Variants in TNRC6B observed in about 807,000 individuals in gnomAD.
The protein encoded by TNRC6B is trinucleotide repeat-containing gene 6B protein.
Under a neutral mutation model 203.6 loss-of-function variants are expected in TNRC6B, and 52 were observed. The ratio of observed to expected loss-of-function variants is 0.26; its 90% CI spans 0.20 to 0.32. TNRC6B has a LOEUF of 0.32. Ranked by LOEUF, TNRC6B falls within the 10% of genes least tolerant of loss-of-function variation. The pLI, the probability that TNRC6B is intolerant of heterozygous loss-of-function variation, is 1.00. For synonymous variants in TNRC6B, 838 were observed against 845.7 expected (o/e 0.99, Z 0.16); for missense variants, 1,923 against 2,286.2 (o/e 0.84, Z 3.24).
chr22:40,171,501 T>G (rs1228925644), intron 4 of TNRC6B, among the ~76,000 whole-genome samples: 1 of 152,136 alleles, frequency 6.6e-6, no homozygotes, highest in Admixed American at 6.5e-5. Flanking sequence ...TGCTGAGTGG[T>G]TATAAAGGAC....
chr22:40,152,572 C>A (rs2068768477), intron 3 of TNRC6B, among the ~76,000 whole-genome samples: 1 of 152,096 alleles, frequency 6.6e-6, no homozygotes, highest in Non-Finnish European at 1.5e-5. Flanking sequence ...TTGTGATCCG[C>A]CCGCCTTGGC....
intron 3 of TNRC6B, among the ~76,000 whole-genome samples, chr22:40,254,683 C>T (rs959018862): frequency 1.3e-5 from 2 of 152,124 alleles, no homozygotes; most frequent in Admixed American, 6.5e-5. Context: ...GTCAGGAGAT[C>T]GAGACCTTCC....
chr22:40,079,570 A>AGT (rs938524666), intron 1 of TNRC6B, among the ~76,000 whole-genome samples: 5 of 148,260 alleles, frequency 3.4e-5, no homozygotes, highest in East Asian at 1.9e-4. Flanking sequence ...CCCAAATCTA[A>AGT]GTATATATAT....
Position 40,266,384 on chromosome 22 carries a change from A to C in TNRC6B, c.2154A>C (p.Thr718=). The C allele has an allele frequency of 6.2e-7, 1 of 1,613,600 alleles. No homozygotes were observed. Among genetic ancestry groups the C allele is most frequent in the Non-Finnish European group, 8.5e-7 (1 of 1,179,752 alleles). The change falls in exon 5 of 23, where the codon ACA becomes ACC. Residue 718 remains threonine, a synonymous_variant. Transcript: ENST00000454349. Reference sequence around the variant, plus strand: ...GAGGAGGACGACCTGATGAAAAGACACCTTCCTCTTGGAATGAGAATCCCA... The same window carrying C: ...GAGGAGGACGACCTGATGAAAAGACCCCTTCCTCTTGGAATGAGAATCCCA... ...NWGGGRPDEK[T]PSSWNENPSK...
intron 1 of TNRC6B, among the ~76,000 whole-genome samples, chr22:40,077,240 A>T (rs75473529): frequency 1.3e-5 from 2 of 152,014 alleles, no homozygotes; most frequent in African/African-American, 4.8e-5. Context: ...TGCATAGGTT[A>T]TCTCTCCCAT....
At chr22:40,147,436 ACTT>A (rs2068705486) in intron 3 of TNRC6B, among the ~76,000 whole-genome samples, 1 of 152,220 alleles carries the variant, frequency 6.6e-6, no homozygotes, top group Non-Finnish European at 1.5e-5. Flanking sequence ...CAGACTAGGT[ACTT>A]TATAAAGAAC....
chr22:40,189,292 G>C (rs1451175802), intron 1 of TNRC6B, among the ~76,000 whole-genome samples: 3 of 152,024 alleles, frequency 2.0e-5, no homozygotes, highest in African/African-American at 7.2e-5. Flanking sequence ...AACTGAAGTG[G>C]GAAACACCTT....
At chr22:40,255,448 T>C (rs766237578) in intron 3 of TNRC6B, among the ~76,000 whole-genome samples, 5 of 152,168 alleles carry the variant, frequency 3.3e-5, no homozygotes, top group Admixed American at 6.5e-5. Context: ...TTTATTAATA[T>C]TGGAGGGGTC....
chr22:40,206,068 T>A (rs4821933), intron 1 of TNRC6B, among the ~76,000 whole-genome samples: 103,353 of 152,102 alleles, frequency 0.68, 36,896 homozygotes, highest in African/African-American at 0.91. Flanking sequence ...CATAGAATTT[T>A]CCTCAGGAAA....
In TNRC6B at chr22:40,335,005, T is replaced by G. The variant is rs1402269328; in HGVS notation, c.*11764T>G. Reference sequence around the variant, plus strand: ...ATCAGCTGCACATATTGATGCTCTCTGCAAGTTACCTTTAAGTGTTTTTTT... The same window carrying G: ...ATCAGCTGCACATATTGATGCTCTCGGCAAGTTACCTTTAAGTGTTTTTTT... On this transcript the variant is annotated 3_prime_UTR_variant, in exon 23 of 23. Coordinates refer to ENST00000454349, the MANE Select transcript of TNRC6B (RefSeq NM_001162501.2). 2 of 152,262 alleles carry G rather than the reference T, an allele frequency of 1.3e-5. No homozygotes were observed. The highest frequency in any genetic ancestry group is 4.8e-5 in the African/African-American group (2 of 41,386). The allele number at this position is 152,262 out of a possible 1,614,324, so 9.4% of individuals were successfully genotyped here.
chr22:40,311,644 C>G (rs1028499725), intron 17 of TNRC6B, among the ~76,000 whole-genome samples: 1 of 151,784 alleles, frequency 6.6e-6, no homozygotes. Context: ...CAGGTTCAAG[C>G]GATTCTCCTG....
chr22:40,237,089 T>C (rs555203694), intron 1 of TNRC6B, among the ~76,000 whole-genome samples: 2 of 152,212 alleles, frequency 1.3e-5, no homozygotes, highest in East Asian at 3.9e-4. Flanking sequence ...CACTTGAACC[T>C]GGGAGGCGGA....
intron 1 of TNRC6B, among the ~76,000 whole-genome samples, chr22:40,218,947 A>G (rs956840143): frequency 3.9e-5 from 6 of 152,212 alleles, no homozygotes; most frequent in Admixed American, 3.3e-4. Context: ...TTTTGAGGAA[A>G]AGCAGGCATA....
chr22:40,322,704 G>A lies in TNRC6B; in HGVS notation c.5115-150G>A. The A allele has an allele frequency of 3.4e-6, 3 of 883,050 alleles. 1 individual carries two copies. In the South Asian group the frequency reaches 5.2e-5, roughly 15 times the overall value. The allele number at this position is 883,050 out of a possible 1,614,324, so 54.7% of individuals were successfully genotyped here. ...TCTGGACCCAGAGGTCTTGGGTGGA[G>A]CTTGGACTTTGCATTCTAAAAAGCG... On this transcript the variant is annotated intron_variant, in intron 22 of 22. Transcript: ENST00000454349.
intron 1 of TNRC6B, among the ~76,000 whole-genome samples, chr22:40,093,880 A>G (rs1211101521): frequency 6.6e-6 from 1 of 152,156 alleles, no homozygotes; most frequent in Non-Finnish European, 1.5e-5. Flanking sequence ...AATATGATCT[A>G]GTATTTGGTA....
chr22:40,074,567 A>G (rs2067988426), intron 1 of TNRC6B, among the ~76,000 whole-genome samples: 1 of 152,156 alleles, frequency 6.6e-6, no homozygotes, highest in African/African-American at 2.4e-5. Flanking sequence ...TCATGAGGTC[A>G]GGAGATCGAG....
intron 1 of TNRC6B, among the ~76,000 whole-genome samples, chr22:40,211,535 T>C (rs573628542): frequency 2.0e-4 from 30 of 152,350 alleles, no homozygotes; most frequent in African/African-American, 6.3e-4. Flanking sequence ...ACAAACTTAC[T>C]GTGGCTCTCT....
At chr22:40,215,604 AG>A (rs1284437832) in intron 1 of TNRC6B, among the ~76,000 whole-genome samples, 2 of 152,156 alleles carry the variant, frequency 1.3e-5, no homozygotes, top group Non-Finnish European at 2.9e-5. Flanking sequence ...CTGCATCCTC[AG>A]GGGTGTTGAC....
At chr22:40,083,065 G>T (rs1389780987) in intron 1 of TNRC6B, among the ~76,000 whole-genome samples, 2 of 152,162 alleles carry the variant, frequency 1.3e-5, no homozygotes, top group Admixed American at 6.5e-5. Flanking sequence ...CCATGAGAAT[G>T]GAGAATATTG....
Sources: gnomAD v4.1 joint callset for allele counts (sites outside exome capture counted in the v4.1 genomes callset) on GRCh38, gnomAD v4.1.1 for gene constraint, MANE v1.5 for transcripts, NCBI Gene and HGNC (gene_info 2026-07-23, HGNC 2026-07-21) for gene names.